TXNDC11: variants seen among roughly 807,000 people sequenced by gnomAD.
TXNDC11 encodes the protein thioredoxin domain containing 11.
In TXNDC11, 68 loss-of-function variants were observed where a neutral mutation model predicts 78.0. The ratio of observed to expected loss-of-function variants is 0.87; its 90% confidence interval spans 0.72 to 1.07. The LOEUF is 1.07. Among genes scored for constraint, TXNDC11 ranks in the 50% least tolerant of loss-of-function variants. The pLI is 0.00. For missense variants in TXNDC11, 1,389 were observed against 1,221.8 expected (o/e 1.14, Z -2.04); for synonymous variants, 571 against 495.2 (o/e 1.15, Z -2.03).
At chr16:11,700,186 A>T (rs182902973) in intron 6 of TXNDC11, among the ~76,000 whole-genome samples, 4 of 152,358 alleles carry the variant, frequency 2.6e-5, no homozygotes, top group Non-Finnish European at 1.5e-5. Flanking sequence ...TTATCCAAGA[A>T]GAAAAACTTT....
chr16:11,731,880 TACC>T (rs1256105574), intron 3 of TXNDC11, among the ~76,000 whole-genome samples: 2 of 152,162 alleles, frequency 1.3e-5, no homozygotes, highest in African/African-American at 2.4e-5. Flanking sequence ...GTTTAAAAAT[TACC>T]ACCACCACCA....
At position 11,742,530 on chromosome 16, in the gene TXNDC11, G is replaced by A. The variant is rs1348112712; in HGVS notation, c.201C>T (p.Cys67=). Residue 67 remains cysteine (C), a synonymous_variant, in exon 1 of 12, where the codon TGC becomes TGT. Transcript: ENST00000283033. ...GCGCGCAGCCGAGCGCCACGGCCCC[G>A]CAGAGCAGCTCCGGCCGCTGGCGCG... The part of the protein sequence containing the change: ...LMARQRPELL[C]GAVALGCALL... 5 of 1,461,672 alleles carry A rather than the reference G, an allele frequency of 3.4e-6. No homozygotes were observed. The South Asian group carries it at 5.3e-5, about 15-fold the overall frequency. 90.5% of individuals were successfully genotyped at this position (1,461,672 alleles called of 1,614,324 possible). A position where few individuals can be genotyped will look rare whatever the true frequency, so the allele number is the denominator to read the frequency against.
chr16:11,712,523 TTCA>T (rs2141063480), intron 5 of TXNDC11, among the ~76,000 whole-genome samples: 1 of 152,192 alleles, frequency 6.6e-6, no homozygotes, highest in East Asian at 1.9e-4. Flanking sequence ...ATGAGATACA[TTCA>T]TCATTATAGC....
rs576551352 is a variant in TXNDC11 at position 11,714,149 on chromosome 16, C to G, written c.793+7428G>C. On this transcript the variant is annotated intron_variant, in intron 5 of 11. Coordinates refer to ENST00000283033, the MANE Select transcript of TXNDC11 (RefSeq NM_015914.7). ...CCTGACTTCCTAGGTTCAAACCATC[C>G]TCCCACCTCAGCCCCTAAGTAGCTG... Among the ~76,000 whole-genome samples, 11 of 152,146 alleles carry G rather than the reference C, an allele frequency of 7.2e-5. No individual in the cohort carries two copies. The South Asian group carries it at 1.9e-3, about 26-fold the overall frequency.
At chr16:11,710,398 C>T (rs879101258) in intron 5 of TXNDC11, among the ~76,000 whole-genome samples, 1 of 152,130 alleles carries the variant, frequency 6.6e-6, no homozygotes, top group African/African-American at 2.4e-5. Context: ...AGCTCCCAGG[C>T]CTACAAAAAT....
At chr16:11,684,733 G>C (rs2050518912) in intron 10 of TXNDC11, among the ~76,000 whole-genome samples, 1 of 152,186 alleles carries the variant, frequency 6.6e-6, no homozygotes, top group Admixed American at 6.5e-5. Context: ...AATGACATCT[G>C]TACTAACTCA....
chr16:11,721,387 C>T lies in TXNDC11; in HGVS notation c.793+190G>A. 5.8e-6 allele frequency: 2 copies of T among 343,376 alleles called. 1 individual carries two copies. Among genetic ancestry groups the T allele is most frequent in the South Asian group, 5.1e-5 (2 of 38,938 alleles). The allele number at this position is 343,376 out of a possible 1,614,324, so 21.3% of individuals were successfully genotyped here. Reference sequence around the variant, plus strand: ...ACCCGGGAGGCAGATTCCAGTGAGCCAAGATCACGCCACTGCACTCCAGCC... The same window carrying T: ...ACCCGGGAGGCAGATTCCAGTGAGCTAAGATCACGCCACTGCACTCCAGCC... On this transcript the variant is annotated intron_variant, in intron 5 of 11. Coordinates refer to ENST00000283033, the MANE Select transcript of TXNDC11 (RefSeq NM_015914.7).
chr16:11,701,520 G>T (rs1169667557), intron 5 of TXNDC11, among the ~76,000 whole-genome samples: 1 of 152,134 alleles, frequency 6.6e-6, no homozygotes, highest in African/African-American at 2.4e-5. Flanking sequence ...AAGTGCCGGG[G>T]TGTATAGTTA....
chr16:11,734,973 G>A (rs962943803), intron 2 of TXNDC11, among the ~76,000 whole-genome samples: 10 of 152,140 alleles, frequency 6.6e-5, no homozygotes, highest in East Asian at 1.9e-4. Context: ...CGGAAGAGTC[G>A]TCCATAGCAT....
rs569789116 is a variant in TXNDC11 at position 11,691,430 on chromosome 16, G to T, written c.1760C>A (p.Ser587Ter). The change falls in exon 8 of 12, where the codon TCA becomes TAA. Residue 587 changes from serine to a stop codon, truncating the protein, a stop_gained. Transcript: ENST00000283033. LOFTEE classifies it high-confidence loss of function. ...NKTLNIYLLD[S>*]NLFWLYAERL... is the part of the protein sequence containing the mutation. ...CTCTGCATATAACCAAAACAAATTT[G>T]AATCCAAAAGGTAGATGTTGAGAGT... The T allele has an allele frequency of 3.1e-6, 5 of 1,614,172 alleles. No individual in the cohort carries two copies. The highest frequency in any genetic ancestry group is 4.2e-6 in the Non-Finnish European group (5 of 1,180,022).
At chr16:11,724,234 G>C (rs1452526527) in intron 4 of TXNDC11, among the ~76,000 whole-genome samples, 2 of 152,134 alleles carry the variant, frequency 1.3e-5, no homozygotes, top group African/African-American at 4.8e-5. Flanking sequence ...AGTGAGCAGA[G>C]ATCGCACCAC....
At chr16:11,715,215 CAAAAACAAAA>C (rs1436318406) in intron 5 of TXNDC11, among the ~76,000 whole-genome samples, 3 of 151,752 alleles carry the variant, frequency 2.0e-5, no homozygotes, top group Non-Finnish European at 4.4e-5. Flanking sequence ...ACGGATGTCT[CAAAAACAAAA>C]CAAAACAAAA....
chr16:11,688,207 A>G, intron 9 of TXNDC11, 96 bp downstream of exon 9: 3 of 1,380,980 alleles, frequency 2.2e-6, no homozygotes, highest in Non-Finnish European at 2.0e-6. Context: ...TTACTCTTCT[A>G]TACATCAAAA....
At chr16:11,741,626 G>A (rs889522980) in intron 1 of TXNDC11, among the ~76,000 whole-genome samples, 2 of 152,182 alleles carry the variant, frequency 1.3e-5, no homozygotes, top group South Asian at 4.1e-4. Context: ...TCTATGCCCT[G>A]CATAGCACTG....
intron 4 of TXNDC11, among the ~76,000 whole-genome samples, chr16:11,722,147 GA>G (rs1433272736): frequency 6.6e-6 from 1 of 152,036 alleles, no homozygotes; most frequent in Non-Finnish European, 1.5e-5. Flanking sequence ...CACTTTGCTG[GA>G]AATCAGGGTT....
At chr16:11,741,294 A>G (rs535576517) in intron 1 of TXNDC11, among the ~76,000 whole-genome samples, 6 of 152,294 alleles carry the variant, frequency 3.9e-5, no homozygotes, top group Non-Finnish European at 8.8e-5. Context: ...GATCTTATAA[A>G]CTGGAATCCC....
intron 5 of TXNDC11, among the ~76,000 whole-genome samples, chr16:11,702,520 T>C (rs1346392864): frequency 6.6e-6 from 1 of 151,844 alleles, no homozygotes; most frequent in African/African-American, 2.4e-5. Context: ...ATATAAAAAT[T>C]ATCCGGGTGT....
chr16:11,688,595 T>C, intron 8 of TXNDC11, 150 bp from the exon 9 acceptor site: 1 of 635,282 alleles, frequency 1.6e-6, no homozygotes, highest in Non-Finnish European at 2.6e-6. Flanking sequence ...CAAACAAAGC[T>C]GCCCGGGTGG....
chr16:11,732,044 A>G (rs2052070816), intron 3 of TXNDC11, among the ~76,000 whole-genome samples: 2 of 152,182 alleles, frequency 1.3e-5, no homozygotes, highest in South Asian at 4.1e-4. Flanking sequence ...TGATGTTACA[A>G]GGGTTCTAGT....
Sources: gnomAD v4.1 joint callset for allele counts (sites outside exome capture counted in the v4.1 genomes callset) on GRCh38, gnomAD v4.1.1 for gene constraint, MANE v1.5 for transcripts, NCBI Gene and HGNC (gene_info 2026-07-23, HGNC 2026-07-21) for gene names.